Variants in NXPH1 observed in about 807,000 individuals in gnomAD.
The protein encoded by NXPH1 is neurexophilin-1.
NXPH1 carries 5 observed loss-of-function variants against 23.7 expected under a neutral mutation model. The ratio of observed to expected loss-of-function variants is 0.21; its 90% confidence interval spans 0.11 to 0.44. NXPH1 has a LOEUF of 0.44. Ranked by LOEUF, NXPH1 falls within the 20% of genes least tolerant of loss-of-function variation. The probability of loss-of-function intolerance (pLI) is 0.99; values close to 1 mark genes in which losing one functional copy is unlikely to be tolerated. For missense variants in NXPH1, 324 were observed against 321.6 expected, an observed-to-expected ratio of 1.01 and a Z score of -0.06; for synonymous variants, 144 against 122.2, an observed-to-expected ratio of 1.18 and a Z score of -1.18.
intron 2 of NXPH1, among the ~76,000 whole-genome samples, chr7:8,510,451 C>T (rs185295485): frequency 3.3e-5 from 5 of 151,996 alleles, no homozygotes; most frequent in African/African-American, 4.8e-5. Flanking sequence ...AGAATTTGCA[C>T]TCGAATCTAA....
At chr7:8,692,359 G>C (rs1417504797) in intron 2 of NXPH1, among the ~76,000 whole-genome samples, 1 of 152,168 alleles carries the variant, frequency 6.6e-6, no homozygotes, top group African/African-American at 2.4e-5. Flanking sequence ...ATAGATAGTG[G>C]TGGCTGACAA....
chr7:8,607,499 TG>T (rs765523968), intron 2 of NXPH1, among the ~76,000 whole-genome samples: 7 of 152,214 alleles, frequency 4.6e-5, no homozygotes, highest in Middle Eastern at 3.2e-3. Flanking sequence ...GACCACATTT[TG>T]CCCTTGGCTA....
chr7:8,622,652 C>T (rs1483613433), intron 2 of NXPH1, among the ~76,000 whole-genome samples: 1 of 152,078 alleles, frequency 6.6e-6, no homozygotes, highest in Non-Finnish European at 1.5e-5. Context: ...TCTGGTTATT[C>T]TATGATTTGT....
rs1019546831 is a variant in NXPH1 at position 8,696,405 on chromosome 7, A to C, written c.55-54603A>C. On this transcript the variant is annotated intron_variant, in intron 2 of 2. Transcript: ENST00000405863. ...GTCTTACATTCTGAGGAGGAGTATTACTAAATAACTAAGTAAGCCAGAAAA... is the reference window on the plus strand; with the variant it reads ...GTCTTACATTCTGAGGAGGAGTATTCCTAAATAACTAAGTAAGCCAGAAAA... Among the ~76,000 whole-genome samples, 14 of 152,328 alleles carry C rather than the reference A, an allele frequency of 9.2e-5. 1 individual carries two copies. The highest frequency in any genetic ancestry group is 3.1e-4 in the African/African-American group (13 of 41,576).
intron 2 of NXPH1, among the ~76,000 whole-genome samples, chr7:8,600,501 T>G (rs1819334192): frequency 6.6e-6 from 1 of 152,166 alleles, no homozygotes; most frequent in African/African-American, 2.4e-5. Flanking sequence ...GTGAAAGGCC[T>G]GTCACTGTGG....
chr7:8,616,135 G>A (rs1205000631), intron 2 of NXPH1, among the ~76,000 whole-genome samples: 2 of 151,888 alleles, frequency 1.3e-5, no homozygotes, highest in African/African-American at 4.8e-5. Flanking sequence ...CTATGTGATT[G>A]GTCTCCTGCT....
intron 2 of NXPH1, among the ~76,000 whole-genome samples, chr7:8,460,771 G>T (rs1379078757): frequency 6.6e-6 from 1 of 152,304 alleles, no homozygotes; most frequent in East Asian, 1.9e-4. Context: ...GTGAATCTCA[G>T]CACTCCCAAT....
At chr7:8,566,645 A>G (rs574182752) in intron 2 of NXPH1, among the ~76,000 whole-genome samples, 2 of 151,944 alleles carry the variant, frequency 1.3e-5, no homozygotes, top group Admixed American at 1.3e-4. Context: ...TCTTGGACTT[A>G]CACCAGTGGC....
chr7:8,455,191 C>T (rs1372379350), intron 2 of NXPH1, among the ~76,000 whole-genome samples: 1 of 152,040 alleles, frequency 6.6e-6, no homozygotes, highest in Non-Finnish European at 1.5e-5. Flanking sequence ...GTCAGTTCTC[C>T]TATATACATA....
At chr7:8,441,898 T>C (rs1816307476) in intron 2 of NXPH1, among the ~76,000 whole-genome samples, 1 of 150,712 alleles carries the variant, frequency 6.6e-6, no homozygotes, top group Non-Finnish European at 1.5e-5. Context: ...TAGTATATTT[T>C]ATTGATTGCG....
At chr7:8,497,775 A>T (rs1412045818) in intron 2 of NXPH1, among the ~76,000 whole-genome samples, 17 of 152,102 alleles carry the variant, frequency 1.1e-4, no homozygotes, top group Admixed American at 1.1e-3. Flanking sequence ...CCTTTGTCAG[A>T]TGGGTAGATT....
At chr7:8,620,747 A>T (rs1244551100) in intron 2 of NXPH1, among the ~76,000 whole-genome samples, 7 of 152,202 alleles carry the variant, frequency 4.6e-5, no homozygotes, top group Non-Finnish European at 1.0e-4. Flanking sequence ...AAATGATTAG[A>T]TGAAGTTACC....
In NXPH1 at chr7:8,680,007, C is replaced by T. The variant is rs779229023; in HGVS notation, c.55-71001C>T. 7.9e-5 allele frequency among the ~76,000 whole-genome samples: 12 copies of T among 152,208 alleles called. No individual in the cohort carries two copies. The East Asian group carries it at 1.2e-3, about 15-fold the overall frequency. On this transcript the variant is annotated intron_variant, in intron 2 of 2. Coordinates refer to ENST00000405863, the MANE Select transcript of NXPH1 (RefSeq NM_152745.3). The stretch of plus-strand genomic sequence containing the variant: ...TTGCACTCCAGACTGGGCAACAGAG[C>T]GAGACTACGTCTCAAAAGCTAAATC...
rs188870612 is a variant in NXPH1, at chr7:8,638,766, A to T, written c.55-112242A>T. On this transcript the variant is annotated intron_variant, in intron 2 of 2. Coordinates refer to ENST00000405863, the MANE Select transcript of NXPH1 (RefSeq NM_152745.3). ...ATTTTAACAATGGATCCTATAGTTA[A>T]TTCTGTATAATAATTTGTAATATAA... 6.6e-4 allele frequency among the ~76,000 whole-genome samples: 100 copies of T among 152,272 alleles called. No individual in the cohort carries two copies. In the Middle Eastern group the frequency reaches 0.014, roughly 21 times the overall value.
intron 2 of NXPH1, among the ~76,000 whole-genome samples, chr7:8,496,641 T>C (rs1252332262): frequency 6.6e-6 from 1 of 152,034 alleles, no homozygotes; most frequent in Non-Finnish European, 1.5e-5. Context: ...ATGTTAGAAA[T>C]GCAACTTCTT....
chr7:8,444,405 C>G (rs750886753), intron 2 of NXPH1, among the ~76,000 whole-genome samples: 11 of 152,220 alleles, frequency 7.2e-5, no homozygotes, highest in Non-Finnish European at 1.6e-4. Context: ...GGCCAGCCCG[C>G]TAGTTTTCTA....
intron 2 of NXPH1, among the ~76,000 whole-genome samples, chr7:8,572,472 G>A (rs547680587): frequency 3.5e-4 from 53 of 152,036 alleles, no homozygotes; most frequent in Middle Eastern, 3.4e-3. Flanking sequence ...CCCTGCATAC[G>A]TTTTAGCACC....
intron 2 of NXPH1, among the ~76,000 whole-genome samples, chr7:8,732,169 T>C (rs1053825562): frequency 8.5e-5 from 13 of 152,230 alleles, no homozygotes; most frequent in East Asian, 1.9e-4. Flanking sequence ...TTGCGCTTCC[T>C]GAGTGAGGCA....
chr7:8,622,582 C>T (rs1017388994), intron 2 of NXPH1, among the ~76,000 whole-genome samples: 8 of 152,168 alleles, frequency 5.3e-5, no homozygotes, highest in African/African-American at 1.9e-4. Flanking sequence ...TTATCAAATA[C>T]GAGGGATAAT....
Sources: allele counts gnomAD v4.1 joint callset (sites outside exome capture counted in the v4.1 genomes callset), GRCh38; gene constraint gnomAD v4.1.1; transcripts MANE v1.5; gene names NCBI Gene and HGNC (gene_info 2026-07-23, HGNC 2026-07-21).